The following PACS1 variants were observed in gnomAD, a reference collection of about 807,000 sequenced individuals.
PACS1 encodes PACS-1.
A neutral mutation model predicts 115.0 loss-of-function variants in PACS1; 24 were observed. The ratio of observed to expected loss-of-function variants is 0.21; its 90% CI spans 0.15 to 0.29. PACS1 has a LOEUF of 0.29. Ranked by LOEUF, PACS1 falls within the 10% of genes least tolerant of loss-of-function variation. The pLI is 1.00. For synonymous variants in PACS1, 453 were observed against 504.5 expected (o/e 0.90, Z 1.37); for missense variants, 838 against 1,251.2 (o/e 0.67, Z 4.98).
chr11:66,138,917 A>G (rs1485033385), intron 1 of PACS1, among the ~76,000 whole-genome samples: 1 of 151,178 alleles, frequency 6.6e-6, no homozygotes, highest in Non-Finnish European at 1.5e-5. Context: ...TCTTGACCTC[A>G]TGATCCGCCC....
intron 1 of PACS1, among the ~76,000 whole-genome samples, chr11:66,077,540 AAC>A (rs967082478): frequency 2.7e-4 from 41 of 152,198 alleles, no homozygotes; most frequent in African/African-American, 9.4e-4. Context: ...TAGCCTGGGC[AAC>A]AGAGTAAGAC....
intron 1 of PACS1, among the ~76,000 whole-genome samples, chr11:66,171,346 T>C (rs2134639474): frequency 6.6e-6 from 1 of 150,568 alleles, no homozygotes; most frequent in Non-Finnish European, 1.5e-5. Flanking sequence ...GAAGAACATA[T>C]AAGTAGGTTT....
At chr11:66,080,111 G>A (rs1246336648) in intron 1 of PACS1, among the ~76,000 whole-genome samples, 1 of 152,212 alleles carries the variant, frequency 6.6e-6, no homozygotes, top group Non-Finnish European at 1.5e-5. Context: ...TTACTTTATA[G>A]ATGCTCAATA....
chr11:66,215,366 G>T (rs964526328), intron 4 of PACS1, among the ~76,000 whole-genome samples: 1 of 151,368 alleles, frequency 6.6e-6, no homozygotes. Flanking sequence ...ACTTTGGGAG[G>T]CCAAGGCAGG....
At chr11:66,090,917 T>C (rs1268614481) in intron 1 of PACS1, among the ~76,000 whole-genome samples, 1 of 152,220 alleles carries the variant, frequency 6.6e-6, no homozygotes, top group East Asian at 1.9e-4. Context: ...ACTTGGAATG[T>C]AAGTTGTGAA....
intron 1 of PACS1, among the ~76,000 whole-genome samples, chr11:66,138,745 C>T (rs482414): frequency 0.46 from 68,682 of 150,890 alleles, 17,434 homozygotes; most frequent in South Asian, 0.63. Flanking sequence ...TGCAGTGGCG[C>T]GATCTTGGCT....
chr11:66,143,211 C>A (rs1300471709), intron 1 of PACS1, among the ~76,000 whole-genome samples: 1 of 152,136 alleles, frequency 6.6e-6, no homozygotes. Flanking sequence ...TATCAGTTAA[C>A]TCTACTTGTA....
chr11:66,209,862 G>C (rs1268821998), intron 2 of PACS1, among the ~76,000 whole-genome samples: 1 of 151,900 alleles, frequency 6.6e-6, no homozygotes, highest in Non-Finnish European at 1.5e-5. Flanking sequence ...CCGAGATCAC[G>C]CCACTGCAGT....
intron 4 of PACS1, among the ~76,000 whole-genome samples, chr11:66,212,507 G>A (rs1300153806): frequency 2.0e-5 from 3 of 151,112 alleles, no homozygotes; most frequent in Non-Finnish European, 4.4e-5. Context: ...CCAGGCTCAA[G>A]CAATCCTCCC....
chr11:66,190,110 A>G (rs1487820453), intron 1 of PACS1, among the ~76,000 whole-genome samples: 1 of 152,152 alleles, frequency 6.6e-6, no homozygotes, highest in Non-Finnish European at 1.5e-5. Context: ...CAATAGTAAC[A>G]TTTCTCTTTT....
At chr11:66,127,908 T>C (rs1858616712) in intron 1 of PACS1, among the ~76,000 whole-genome samples, 2 of 152,220 alleles carry the variant, frequency 1.3e-5, no homozygotes, top group Non-Finnish European at 2.9e-5. Context: ...GCCTTGCTGC[T>C]AAAGTAGACC....
intron 1 of PACS1, among the ~76,000 whole-genome samples, chr11:66,088,127 A>G (rs78081672): frequency 3.9e-5 from 6 of 152,018 alleles, no homozygotes; most frequent in African/African-American, 1.4e-4. Context: ...TTTCTCAAAA[A>G]TATCTTCTCA....
intron 2 of PACS1, among the ~76,000 whole-genome samples, chr11:66,208,171 G>A (rs916115955): frequency 3.3e-5 from 5 of 152,114 alleles, no homozygotes; most frequent in African/African-American, 9.7e-5. Flanking sequence ...TCTCATTTTG[G>A]CCTCATGAGT....
intron 1 of PACS1, among the ~76,000 whole-genome samples, chr11:66,101,201 T>G (rs1857910134): frequency 6.6e-6 from 1 of 152,238 alleles, no homozygotes; most frequent in Non-Finnish European, 1.5e-5. Context: ...TTTAAAAGTT[T>G]TAAACACTTA....
intron 7 of PACS1, chr11:66,219,535 C>T: frequency 1.5e-6 from 1 of 683,938 alleles, no homozygotes; most frequent in Non-Finnish European, 2.7e-6. Context: ...GACATTCCTT[C>T]TCCCCGCAGC....
chr11:66,206,333 G>C (rs1470318957), intron 2 of PACS1, among the ~76,000 whole-genome samples: 2 of 152,112 alleles, frequency 1.3e-5, no homozygotes, highest in African/African-American at 4.8e-5. Flanking sequence ...TTTGAAATTG[G>C]ACCCTGGTTG....
At chr11:66,086,680 A>T (rs1857576027) in intron 1 of PACS1, among the ~76,000 whole-genome samples, 1 of 151,968 alleles carries the variant, frequency 6.6e-6, no homozygotes, top group African/African-American at 2.4e-5. Flanking sequence ...TAGTAGTGTG[A>T]TCTCAGCTCA....
At position 66,221,254 on chromosome 11, in the gene PACS1, G is replaced by A. The variant is rs376558220; in HGVS notation, c.1293+7G>A. On this transcript the variant is annotated splice_region_variant and intron_variant, in intron 10 of 23. Transcript: ENST00000320580. Reference sequence around the variant, plus strand: ...AAAAGACACCACCAGCCCTGTGAGCGCAACCGCGACTGCGGGGCGGGGTGG... The same window carrying A: ...AAAAGACACCACCAGCCCTGTGAGCACAACCGCGACTGCGGGGCGGGGTGG... The A allele has an allele frequency of 3.5e-5, 56 of 1,613,172 alleles. No individual in the cohort carries two copies. Among genetic ancestry groups the A allele is most frequent in the Non-Finnish European group, 4.4e-5 (52 of 1,179,210 alleles).
At chr11:66,232,073 A>G in intron 13 of PACS1, 99 bp from the exon 14 acceptor site, 1 of 721,290 alleles carries the variant, frequency 1.4e-6, no homozygotes, top group Non-Finnish European at 2.5e-6. Context: ...TCTCTCTAAC[A>G]CCCCTGCTCC....
Sources: gnomAD v4.1 joint callset for allele counts (sites outside exome capture counted in the v4.1 genomes callset) on GRCh38, gnomAD v4.1.1 for gene constraint, MANE v1.5 for transcripts, NCBI Gene and HGNC (gene_info 2026-07-23, HGNC 2026-07-21) for gene names.